NHSL2: variants seen among roughly 807,000 people sequenced by gnomAD.
The protein encoded by NHSL2 is NHS-like protein 2.
Under a neutral mutation model 53.4 loss-of-function variants are expected in NHSL2, and 27 were observed. That is an observed-to-expected ratio of 0.51 (90% CI 0.37 to 0.70). NHSL2 has a LOEUF of 0.70. NHSL2 is among the 30% of genes least tolerant of loss of function. The pLI is 0.00. For synonymous variants in NHSL2, 408 were observed against 404.1 expected, an observed-to-expected ratio of 1.01 and a Z score of -0.12; for missense variants, 892 against 980.1, an observed-to-expected ratio of 0.91 and a Z score of 1.20.
chrX:72,120,628 G>C (rs2042174691), intron 1 of NHSL2, among the ~76,000 whole-genome samples: 1 of 111,855 alleles, frequency 8.9e-6, no homozygotes, highest in Non-Finnish European at 1.9e-5. Context: ...TTGAATTCCC[G>C]TTTGGCCCTC....
At chrX:71,933,384 C>CTTT (rs199702755) in intron 1 of NHSL2, among the ~76,000 whole-genome samples, 3 of 100,548 alleles carry the variant, frequency 3.0e-5, no homozygotes. Flanking sequence ...GTGCACTTAA[C>CTTT]TTTTTTTTTT....
chrX:72,098,447 G>A (rs1010638725), intron 1 of NHSL2, among the ~76,000 whole-genome samples: 5 of 110,262 alleles, frequency 4.5e-5, no homozygotes, highest in Non-Finnish European at 7.6e-5. Context: ...CGGGCGTGGT[G>A]GCGGGCGCCT....
chrX:72,131,620 TGCG>T, intron 1 of NHSL2: 1 of 1,003,408 alleles, frequency 1.0e-6, no homozygotes. Context: ...GAGGCCGAAA[TGCG>T]GCGGCGGGGC....
intron 1 of NHSL2, among the ~76,000 whole-genome samples, chrX:72,018,182 C>T (rs944843969): frequency 5.4e-5 from 6 of 111,877 alleles, no homozygotes; most frequent in Non-Finnish European, 9.4e-5. Flanking sequence ...GTCCAACCTA[C>T]CCTTCCTTTG....
rs376366215 is a variant in NHSL2, at chrX:72,138,623, C to T, written c.1075C>T (p.Arg359Trp). The T allele has an allele frequency of 6.8e-6, 8 of 1,168,193 alleles. No homozygotes were observed. Among genetic ancestry groups the T allele is most frequent in the South Asian group, 3.8e-5 (2 of 52,686 alleles). Residue 359 changes from arginine to tryptophan, a missense_variant, in exon 6 of 8, where the codon CGG becomes TGG. By Grantham distance (101) the Arg-to-Trp change is moderately radical. Transcript: ENST00000633930. The part of the protein sequence containing the change: ...SSEPDEPHQA[R>W]SGPNPPGMES... The stretch of plus-strand genomic sequence containing the variant: ...TGAGCCGGACGAACCTCACCAGGCA[C>T]GGAGTGGCCCAAACCCTCCTGGCAT...
intron 1 of NHSL2, among the ~76,000 whole-genome samples, chrX:72,069,135 G>A (rs2042449792): frequency 8.9e-6 from 1 of 112,183 alleles, no homozygotes; most frequent in Non-Finnish European, 1.9e-5. Context: ...TATTGGCCCC[G>A]CGCTCCTGCA....
chrX:71,977,749 G>A (rs757792079), intron 1 of NHSL2, among the ~76,000 whole-genome samples: 2 of 111,867 alleles, frequency 1.8e-5, no homozygotes, highest in Non-Finnish European at 3.8e-5. Flanking sequence ...CAAAAACCAA[G>A]ACCATGGCCG....
intron 2 of NHSL2, 129 bp downstream of exon 2, chrX:72,132,363 G>T: frequency 1.6e-6 from 1 of 619,177 alleles, no homozygotes; most frequent in Non-Finnish European, 2.4e-6. Context: ...AATCGACAAA[G>T]CAGTTTCCAG....
chrX:71,920,641 G>T (rs771418698), intron 1 of NHSL2, among the ~76,000 whole-genome samples: 2 of 111,368 alleles, frequency 1.8e-5, no homozygotes, highest in Non-Finnish European at 3.8e-5. Flanking sequence ...GAGAGACCCA[G>T]TTTCCTGACT....
intron 1 of NHSL2, among the ~76,000 whole-genome samples, chrX:72,035,366 TCAGTTA>T (rs1443481697): frequency 1.8e-5 from 2 of 111,100 alleles, no homozygotes; most frequent in Non-Finnish European, 3.8e-5. Context: ...TTTGTATATG[TCAGTTA>T]CATCTCTCGG....
intron 1 of NHSL2, among the ~76,000 whole-genome samples, chrX:71,969,831 G>A (rs775736332): frequency 8.9e-6 from 1 of 111,835 alleles, no homozygotes; most frequent in East Asian, 2.8e-4. Flanking sequence ...CTGAACAGAG[G>A]TAGTGAGAAC....
chrX:71,979,901 C>T (rs1446868572), intron 1 of NHSL2, among the ~76,000 whole-genome samples: 1 of 110,819 alleles, frequency 9.0e-6, no homozygotes, highest in African/African-American at 3.3e-5. Context: ...TTAGGTCTAA[C>T]ATTTAAGTCT....
chrX:72,145,745 T>C lies in NHSL2; in HGVS notation c.*2171T>C, dbSNP rs7471188. 57,171 of 111,401 alleles carry C rather than the reference T, an allele frequency of 0.51. 13,290 individuals carry two copies. The highest frequency in any genetic ancestry group is 0.73 in the Non-Finnish European group (38,567 of 52,874). 9.2% of individuals were successfully genotyped at this position (111,401 alleles called of 1,213,427 possible). A position where few individuals can be genotyped will look rare whatever the true frequency, so the allele number is the denominator to read the frequency against. On this transcript the variant is annotated 3_prime_UTR_variant, in exon 8 of 8. Transcript: ENST00000633930. ...AAAGCTGAGTATGGGACTCACATAG[T>C]ATAGGCCTTGTTACTTCTGTGGACT...
At chrX:72,107,275 TTAAA>T (rs940852512) in intron 1 of NHSL2, among the ~76,000 whole-genome samples, 13 of 110,166 alleles carry the variant, frequency 1.2e-4, no homozygotes, top group East Asian at 5.6e-4. Context: ...TACAAAAAAA[TTAAA>T]TAAATAAATA....
chrX:71,997,525 G>A (rs1019483846), intron 1 of NHSL2, among the ~76,000 whole-genome samples: 4 of 112,056 alleles, frequency 3.6e-5, no homozygotes, highest in African/African-American at 6.5e-5. Context: ...CAAATTTATC[G>A]AAGTCTTTGA....
rs781603099 is a variant in NHSL2 at position 72,091,326 on chromosome X, C to T, written c.281-40753C>T. On this transcript the variant is annotated intron_variant, in intron 1 of 7. Transcript: ENST00000633930. ...AAAATTAGCCAGGCGTGGTGGTGGG[C>T]GCCTGTAGTCCCAGCTACTCAGGAG... Among the ~76,000 whole-genome samples the T allele has an allele frequency of 6.7e-3, 747 of 111,287 alleles. 2 individuals carry two copies. Among genetic ancestry groups the T allele is most frequent in the Non-Finnish European group, 0.01 (543 of 52,898 alleles).
chrX:71,975,761 G>T (rs1018734398), intron 1 of NHSL2, among the ~76,000 whole-genome samples: 2 of 111,108 alleles, frequency 1.8e-5, no homozygotes, highest in Admixed American at 1.9e-4. Context: ...GGGTCTTGGG[G>T]CATGTCCCTC....
At chrX:71,949,811 G>A (rs952319945) in intron 1 of NHSL2, among the ~76,000 whole-genome samples, 4 of 112,937 alleles carry the variant, frequency 3.5e-5, no homozygotes, top group African/African-American at 6.4e-5. Context: ...TCGGAAACTC[G>A]AAATCCCCCC....
intron 1 of NHSL2, 145 bp from the exon 2 acceptor site, chrX:72,131,934 C>A: frequency 1.9e-6 from 1 of 538,353 alleles, no homozygotes; most frequent in Non-Finnish European, 3.0e-6. Context: ...TTGCGGCCGG[C>A]GATTCCCCGC....
Sources: gnomAD v4.1 joint callset for allele counts (sites outside exome capture counted in the v4.1 genomes callset) on GRCh38, gnomAD v4.1.1 for gene constraint, MANE v1.5 for transcripts, NCBI Gene and HGNC (gene_info 2026-07-23, HGNC 2026-07-21) for gene names.